The following NF2 variants were observed in gnomAD, a reference collection of about 807,000 sequenced individuals.
The protein encoded by NF2 is NF2, moesin-ezrin-radixin like (MERLIN) tumor suppressor.
A neutral mutation model predicts 83.7 loss-of-function variants in NF2; 8 were observed. The observed-to-expected ratio is 0.10, with a 90% CI of 0.06 to 0.17. The LOEUF is 0.17. Ranked by LOEUF, NF2 falls within the 10% of genes least tolerant of loss-of-function variation. The pLI is 1.00. For missense variants in NF2, 533 were observed against 744.4 expected, an observed-to-expected ratio of 0.72 and a Z score of 3.31; for synonymous variants, 266 against 269.6, an observed-to-expected ratio of 0.99 and a Z score of 0.13.
Position 29,694,496 on chromosome 22 carries a change from C to T in NF2, c.1738-256C>T, listed in dbSNP as rs935513213. Among the ~76,000 whole-genome samples the T allele has an allele frequency of 1.3e-5, 2 of 152,226 alleles. No homozygotes were observed. The highest frequency in any genetic ancestry group is 4.8e-5 in the African/African-American group (2 of 41,456). On this transcript the variant is annotated intron_variant, in intron 15 of 15. Transcript: ENST00000338641. This position sits in a 1 kb window ranked among gnomAD's most constrained non-coding sequence, Gnocchi z 4.1. ...GTCCTCTGTCAAGAGGCAATGCTGA[C>T]GGCTTTTTCCTGCTGGCGTGCCTCT...
Position 29,678,334 on chromosome 22 carries a change from C to T in NF2, c.1574+11C>T, listed in dbSNP as rs772457573. The T allele has an allele frequency of 1.2e-6, 2 of 1,612,860 alleles. No individual in the cohort carries two copies. ...GATAGAGAAAGAAAAGTATGTAGCC[C>T]CCTGTGCCCTGCTGTGGGCAGCTGT... is the stretch of plus-strand genomic sequence containing the variant. On this transcript the variant is annotated intron_variant, in intron 14 of 15. Transcript: ENST00000338641.
intron 12 of NF2, among the ~76,000 whole-genome samples, chr22:29,674,139 G>C (rs1188467403): frequency 1.3e-5 from 2 of 152,210 alleles, no homozygotes; most frequent in Non-Finnish European, 2.9e-5. Context: ...TAGCTACCAA[G>C]GTGCATTCAC....
intron 9 of NF2, among the ~76,000 whole-genome samples, chr22:29,666,936 A>G (rs1279572426): frequency 2.6e-5 from 4 of 152,134 alleles, no homozygotes; most frequent in African/African-American, 9.7e-5. Context: ...AGATCATGCC[A>G]TTGCACTCCA....
chr22:29,642,018 T>G lies in NF2; in HGVS notation c.364-184T>G, dbSNP rs148512564. On this transcript the variant is annotated intron_variant, in intron 3 of 15. Coordinates refer to ENST00000338641, the MANE Select transcript of NF2 (RefSeq NM_000268.4). ...TATGCATAGCCGTCATACCAGTAAC[T>G]TCTGTGACTGAACTCTCCACCTGTC... Among the ~76,000 whole-genome samples the G allele has an allele frequency of 2.8e-4, 43 of 152,314 alleles. No individual in the cohort carries two copies. The East Asian group carries it at 7.5e-3, about 27-fold the overall frequency.
At chr22:29,679,339 C>G (rs1019240484) in intron 14 of NF2, among the ~76,000 whole-genome samples, 1 of 152,162 alleles carries the variant, frequency 6.6e-6, no homozygotes, top group Non-Finnish European at 1.5e-5. Flanking sequence ...TCTTTGGGCT[C>G]TCACACTGAG....
Position 29,629,042 on chromosome 22 carries a change from T to C in NF2, c.115-7709T>C, listed in dbSNP as rs770409621. ...CCCCACTCCCCTCTTTTTGCTGTGA[T>C]CTATTTTTTTTCCCACACTTTTCAC... On this transcript the variant is annotated intron_variant, in intron 1 of 15. Transcript: ENST00000338641. 7.9e-5 allele frequency among the ~76,000 whole-genome samples: 12 copies of C among 152,204 alleles called. 1 individual carries two copies. Among genetic ancestry groups the C allele is most frequent in the Non-Finnish European group, 1.6e-4 (11 of 68,038 alleles).
At chr22:29,612,988 G>C (rs1181636027) in intron 1 of NF2, among the ~76,000 whole-genome samples, 1 of 152,038 alleles carries the variant, frequency 6.6e-6, no homozygotes, top group Non-Finnish European at 1.5e-5. Flanking sequence ...CCAGGTACTC[G>C]GGAGGCTGAG....
chr22:29,684,406 A>G (rs1408622544), intron 15 of NF2, among the ~76,000 whole-genome samples: 1 of 152,120 alleles, frequency 6.6e-6, no homozygotes, highest in Non-Finnish European at 1.5e-5. Context: ...GCAAGCAGAA[A>G]ACCCCGCTGC....
At chr22:29,678,810 G>A (rs1431698754) in intron 14 of NF2, among the ~76,000 whole-genome samples, 1 of 152,242 alleles carries the variant, frequency 6.6e-6, no homozygotes, top group Admixed American at 6.5e-5. Flanking sequence ...GCTGCAGTGG[G>A]TGGCACTGGG....
At position 29,694,811 on chromosome 22, in the gene NF2, C is replaced by G; in HGVS notation, c.*9C>G. 1.2e-6 allele frequency: 2 copies of G among 1,611,126 alleles called. No individual in the cohort carries two copies. The highest frequency in any genetic ancestry group is 1.7e-6 in the Non-Finnish European group (2 of 1,178,868). On this transcript the variant is annotated 3_prime_UTR_variant, in exon 16 of 16. Transcript: ENST00000338641. The surrounding 1 kb of genome is among the most constrained non-coding windows in gnomAD (Gnocchi z 4.1). ...TCTTTGAAGAGCTCTAGCAGGTGAC[C>G]CAGCCACCCCAGGACCTGCCACTTC... is the stretch of plus-strand genomic sequence containing the variant.
intron 6 of NF2, 39 bp downstream of exon 6, chr22:29,655,715 GCTT>G: frequency 6.8e-7 from 1 of 1,480,898 alleles, no homozygotes; most frequent in African/African-American, 1.4e-5. Context: ...TCCTTTATGG[GCTT>G]TTTTTTTTTT....
At position 29,678,264 on chromosome 22, in the gene NF2, G is replaced by A. The variant is rs2067026192; in HGVS notation, c.1515G>A (p.Leu505=). The A allele has an allele frequency of 6.2e-7, 1 of 1,614,140 alleles. No individual in the cohort carries two copies. The highest frequency in any genetic ancestry group is 8.5e-7 in the Non-Finnish European group (1 of 1,179,998). The change falls in exon 14 of 16, where the codon CTG becomes CTA. Residue 505 remains leucine (L), a synonymous_variant. Transcript: ENST00000338641. ...IPSFNLIGDS[L]SFDFKDTDMK... ...GCTTCAACCTCATTGGTGACAGCCT[G>A]TCTTTCGACTTCAAAGATACTGACA...
intron 4 of NF2, among the ~76,000 whole-genome samples, chr22:29,644,778 A>G (rs1421786377): frequency 6.6e-6 from 1 of 152,236 alleles, no homozygotes; most frequent in African/African-American, 2.4e-5. Flanking sequence ...AAAACCCGTC[A>G]GGCGTGGTGG....
At chr22:29,604,670 A>G (rs2064738774) in intron 1 of NF2, among the ~76,000 whole-genome samples, 1 of 152,192 alleles carries the variant, frequency 6.6e-6, no homozygotes, top group South Asian at 2.1e-4. Context: ...TATCTAGTAA[A>G]TGGCAAGGTG....
At chr22:29,623,214 G>A (rs1601553370) in intron 1 of NF2, among the ~76,000 whole-genome samples, 1 of 152,122 alleles carries the variant, frequency 6.6e-6, no homozygotes, top group Non-Finnish European at 1.5e-5. Flanking sequence ...CAAAGTGCTG[G>A]GATTACAGGC....
At chr22:29,620,216 G>A (rs377573099) in intron 1 of NF2, among the ~76,000 whole-genome samples, 9 of 152,134 alleles carry the variant, frequency 5.9e-5, no homozygotes, top group East Asian at 3.9e-4. Context: ...CTGAGATCGC[G>A]TCACTGCACT....
chr22:29,673,670 G>A (rs1202971054), intron 12 of NF2, among the ~76,000 whole-genome samples, 184 bp downstream of exon 12: 3 of 152,180 alleles, frequency 2.0e-5, no homozygotes, highest in Non-Finnish European at 2.9e-5. Flanking sequence ...GGCGCTACTG[G>A]TTGGGCACAG....
chr22:29,608,930 A>G (rs2064876689), intron 1 of NF2: 2 of 575,020 alleles, frequency 3.5e-6, no homozygotes, highest in Non-Finnish European at 6.5e-6. Flanking sequence ...TGGCCTGTCC[A>G]TCCTCAATGC....
At chr22:29,626,660 C>G (rs1199028613) in intron 1 of NF2, among the ~76,000 whole-genome samples, 1 of 152,146 alleles carries the variant, frequency 6.6e-6, no homozygotes, top group Non-Finnish European at 1.5e-5. Context: ...CTCTGTTGTG[C>G]TGGAGCTTTT....
Sources: allele counts gnomAD v4.1 joint callset (sites outside exome capture counted in the v4.1 genomes callset), GRCh38; gene constraint gnomAD v4.1.1; non-coding constraint Gnocchi (gnomAD v3.1); transcripts MANE v1.5; gene names NCBI Gene and HGNC (gene_info 2026-07-23, HGNC 2026-07-21).